Variants in LAMB1 observed in about 807,000 individuals in gnomAD.
LAMB1 encodes the protein laminin subunit beta 1.
In LAMB1, 121 loss-of-function variants were observed where a neutral mutation model predicts 222.3. The ratio of observed to expected loss-of-function variants is 0.54; its 90% CI spans 0.47 to 0.63. The LOEUF (loss-of-function observed/expected upper bound fraction) is 0.63, where lower values mean the gene tolerates loss of function less well. Among genes scored for constraint, LAMB1 ranks in the 30% least tolerant of loss-of-function variants. The pLI is 0.00. For synonymous variants in LAMB1, 794 were observed against 807.2 expected (o/e 0.98, Z 0.28); for missense variants, 2,172 against 2,240.8 (o/e 0.97, Z 0.62).
At chr7:107,951,980 A>C in intron 23 of LAMB1, 29 bp downstream of exon 23, 1 of 1,577,546 alleles carries the variant, frequency 6.3e-7, no homozygotes, top group Admixed American at 1.7e-5. Context: ...GAGCTCATAA[A>C]GGCATCATCC....
rs1331514067 is a variant in LAMB1 at position 107,935,591 on chromosome 7, A to T, written c.4012T>A (p.Ser1338Thr). The T allele has an allele frequency of 6.2e-7, 1 of 1,613,676 alleles. No homozygotes were observed. The highest frequency in any genetic ancestry group is 1.7e-5 in the Admixed American group (1 of 59,958). ...ACAGTGCTGTTGGGTTCTGTGGTGG[A>T]GGCATTCACCCTCTCCTCTGCCTCA... ...SLEAEERVNA[S>T]TTEPNSTVEQ... is the part of the protein sequence containing the mutation. The change falls in exon 27 of 34, where the codon TCC becomes ACC. Residue 1338 changes from serine (S) to threonine (T), a missense_variant. Coordinates refer to ENST00000222399, the MANE Select transcript of LAMB1 (RefSeq NM_002291.3).
At chr7:107,964,729 C>T (rs199620083) in intron 13 of LAMB1, 42 bp from the exon 14 acceptor site, 185 of 1,607,410 alleles carry the variant, frequency 1.2e-4, no homozygotes, top group Middle Eastern at 1.8e-4. Context: ...TTCATGGTCA[C>T]GCGAGTCAAC....
At chr7:107,925,866 A>G (rs2032549953) in intron 32 of LAMB1, among the ~76,000 whole-genome samples, 1 of 150,398 alleles carries the variant, frequency 6.6e-6, no homozygotes, top group Non-Finnish European at 1.5e-5. Context: ...ATAAAAGTTC[A>G]ATATGACTGG....
chr7:107,996,763 C>T (rs921774370), intron 4 of LAMB1, among the ~76,000 whole-genome samples: 3 of 152,210 alleles, frequency 2.0e-5, no homozygotes, highest in Admixed American at 6.5e-5. Flanking sequence ...TCTAGAACTA[C>T]AGCACATGAT....
chr7:107,977,861 C>G (rs1438903021), intron 9 of LAMB1, among the ~76,000 whole-genome samples, 186 bp downstream of exon 9: 1 of 152,178 alleles, frequency 6.6e-6, no homozygotes, highest in Non-Finnish European at 1.5e-5. Context: ...CACACAGAGG[C>G]TGTTCAGTGA....
chr7:107,941,408 C>T (rs2032978289), intron 24 of LAMB1, among the ~76,000 whole-genome samples: 1 of 152,218 alleles, frequency 6.6e-6, no homozygotes, highest in Non-Finnish European at 1.5e-5. Flanking sequence ...AAAGAATATA[C>T]TATCTTATTT....
chr7:107,926,186 C>T lies in LAMB1; in HGVS notation c.5061G>A (p.Lys1687=). ...GAAATTACAAAGATTTACGTACCTTCTTAACATCTTCTGCACTTTGCTTCA... is the reference window on the plus strand; with the variant it reads ...GAAATTACAAAGATTTACGTACCTTTTTAACATCTTCTGCACTTTGCTTCA... ...YTVKQSAEDV[K]KTLDGELDEK... The change falls in exon 32 of 34, where the codon AAG becomes AAA. Residue 1687 remains lysine (K), a synonymous_variant. Coordinates refer to ENST00000222399, the MANE Select transcript of LAMB1 (RefSeq NM_002291.3). 6.2e-7 allele frequency: 1 copy of T among 1,612,400 alleles called. No homozygotes were observed.
chr7:107,964,803 T>A (rs1466485716), intron 13 of LAMB1, 116 bp from the exon 14 acceptor site: 3 of 1,157,132 alleles, frequency 2.6e-6, no homozygotes, highest in Non-Finnish European at 3.6e-6. Context: ...TAGCATGTTC[T>A]TGTTTTCTTC....
At chr7:107,993,426 G>T (rs951404820) in intron 5 of LAMB1, among the ~76,000 whole-genome samples, 2 of 152,252 alleles carry the variant, frequency 1.3e-5, no homozygotes, top group East Asian at 1.9e-4. Flanking sequence ...GAGCCACCAC[G>T]CCTGGCCCCA....
chr7:107,996,244 C>A (rs972744671), intron 4 of LAMB1, among the ~76,000 whole-genome samples: 18 of 152,114 alleles, frequency 1.2e-4, no homozygotes, highest in African/African-American at 4.3e-4. Flanking sequence ...GCAATGTGTG[C>A]ACCAAAAGCA....
At chr7:107,947,983 C>CTTTTTTTT (rs10630521) in intron 24 of LAMB1, among the ~76,000 whole-genome samples, 23 of 117,246 alleles carry the variant, frequency 2.0e-4, no homozygotes, top group East Asian at 4.9e-4. Flanking sequence ...TCTTCTTCTT[C>CTTTTTTTT]TTTTTTTTTT....
chr7:107,985,741 C>T lies in LAMB1; in HGVS notation c.676+281G>A, dbSNP rs7777891. Among the ~76,000 whole-genome samples the T allele has an allele frequency of 0.63, 95,051 of 151,956 alleles. 30,466 individuals are homozygous for T. The highest frequency in any genetic ancestry group is 0.74 in the African/African-American group (30,834 of 41,462). ...GGGAGGCTGAGGTGAGCAGATCACC[C>T]GAGGTTGGGAGTTCAAGACTAGCCT... On this transcript the variant is annotated intron_variant, in intron 7 of 33. Transcript: ENST00000222399.
At chr7:107,950,863 G>A (rs2033227522) in intron 24 of LAMB1, among the ~76,000 whole-genome samples, 1 of 151,784 alleles carries the variant, frequency 6.6e-6, no homozygotes, top group African/African-American at 2.4e-5. Context: ...CCAAACATAG[G>A]GTTCACATGG....
Position 107,951,979 on chromosome 7 carries a change from A to T in LAMB1, c.3294+30T>A. 3 of 1,575,834 alleles carry T rather than the reference A, an allele frequency of 1.9e-6. No homozygotes were observed. In the African/African-American group the frequency reaches 4.0e-5, roughly 21 times the overall value. ...CCATGGGCTGACACCTGAGCTCATA[A>T]AGGCATCATCCCCAGCAGCAGCCCC... On this transcript the variant is annotated intron_variant, in intron 23 of 33. Transcript: ENST00000222399.
intron 5 of LAMB1, 92 bp from the exon 6 acceptor site, chr7:107,986,455 C>T (rs921007329): frequency 9.5e-7 from 1 of 1,047,858 alleles, no homozygotes; most frequent in Admixed American, 2.7e-5. Context: ...CAACTGCATG[C>T]CACAAACTTG....
chr7:107,962,638 C>T (rs557914999), intron 15 of LAMB1, among the ~76,000 whole-genome samples: 13 of 150,476 alleles, frequency 8.6e-5, no homozygotes, highest in Middle Eastern at 3.4e-3. Context: ...CGCTTGAACC[C>T]GGGAGGCGGA....
intron 7 of LAMB1, among the ~76,000 whole-genome samples, chr7:107,983,898 A>G (rs2034021846): frequency 6.6e-6 from 1 of 152,178 alleles, no homozygotes; most frequent in African/African-American, 2.4e-5. Context: ...TGAATGTGGT[A>G]AAGAGCTCTG....
At chr7:107,999,263 G>A (rs1334518599) in intron 3 of LAMB1, among the ~76,000 whole-genome samples, 1 of 152,206 alleles carries the variant, frequency 6.6e-6, no homozygotes, top group African/African-American at 2.4e-5. Flanking sequence ...AGTTGGGTTA[G>A]GAGAGTTATC....
chr7:107,951,814 A>G (rs1381796518), intron 23 of LAMB1, among the ~76,000 whole-genome samples, 195 bp downstream of exon 23: 1 of 152,172 alleles, frequency 6.6e-6, no homozygotes, highest in African/African-American at 2.4e-5. Flanking sequence ...CTCTACTGAA[A>G]TGCTATGGAT....
Sources: gnomAD v4.1 joint callset for allele counts (sites outside exome capture counted in the v4.1 genomes callset) on GRCh38, gnomAD v4.1.1 for gene constraint, MANE v1.5 for transcripts, NCBI Gene and HGNC (gene_info 2026-07-23, HGNC 2026-07-21) for gene names.